GOLGA3: variants seen among roughly 807,000 people sequenced by gnomAD.
GOLGA3 encodes golgin A3, also known as golgin subfamily A member 3.
In GOLGA3, 75 loss-of-function variants were observed where a neutral mutation model predicts 169.4. The observed-to-expected ratio is 0.44, with a 90% CI of 0.37 to 0.54. The LOEUF (loss-of-function observed/expected upper bound fraction) is 0.54, where lower values mean the gene tolerates loss of function less well. GOLGA3 is among the 20% of genes least tolerant of loss of function. The probability of loss-of-function intolerance (pLI) is 0.00; values close to 1 mark genes in which losing one functional copy is unlikely to be tolerated. For missense variants in GOLGA3, 1,899 were observed against 1,930.0 expected, an observed-to-expected ratio of 0.98 and a Z score of 0.30; for synonymous variants, 824 against 822.4, an observed-to-expected ratio of 1.00 and a Z score of -0.03.
chr12:132,828,160 GC>G (rs1950500082), intron 1 of GOLGA3, among the ~76,000 whole-genome samples: 1 of 152,052 alleles, frequency 6.6e-6, no homozygotes, highest in Non-Finnish European at 1.5e-5. Context: ...GAAGTCGCCC[GC>G]CCCCCAGGCT....
intron 8 of GOLGA3, among the ~76,000 whole-genome samples, chr12:132,801,306 A>G (rs919389222): frequency 3.3e-5 from 5 of 152,208 alleles, no homozygotes; most frequent in Non-Finnish European, 7.3e-5. Context: ...AGGGAAAGGA[A>G]AAGCTCCAAC....
chr12:132,804,753 C>T lies in GOLGA3; in HGVS notation c.1560G>A (p.Glu520=). Residue 520 remains glutamate, a synonymous_variant, in exon 7 of 24, where the codon GAG becomes GAA. Coordinates refer to ENST00000450791, the MANE Select transcript of GOLGA3 (RefSeq NM_001389683.1). The surrounding 1 kb of genome is among the most constrained non-coding windows in gnomAD (Gnocchi z 4.1). ...EQYQRLMAKV[E]DMQRSMLSKD... ...TGCTGAGCATGCTCCTCTGCATGTCCTCTACCTTGGCCATAAGCCTCTGGT... is the reference window on the plus strand; with the variant it reads ...TGCTGAGCATGCTCCTCTGCATGTCTTCTACCTTGGCCATAAGCCTCTGGT... 1 of 1,614,210 alleles carries T rather than the reference C, an allele frequency of 6.2e-7. No homozygotes were observed. Among genetic ancestry groups the T allele is most frequent in the Non-Finnish European group, 8.5e-7 (1 of 1,180,028 alleles).
intron 3 of GOLGA3, among the ~76,000 whole-genome samples, chr12:132,814,869 C>A (rs888216430): frequency 6.6e-6 from 1 of 152,234 alleles, no homozygotes; most frequent in Non-Finnish European, 1.5e-5. Context: ...TTGCATGGTA[C>A]GTGCCAACGT....
Position 132,808,469 on chromosome 12 carries a change from C to T in GOLGA3, c.600G>A (p.Arg200=), listed in dbSNP as rs745452430. 6.2e-7 allele frequency: 1 copy of T among 1,613,736 alleles called. No homozygotes were observed. The highest frequency in any genetic ancestry group is 8.5e-7 in the Non-Finnish European group (1 of 1,179,706). The change falls in exon 5 of 24, where the codon AGG becomes AGA. Residue 200 remains arginine (R), a synonymous_variant. Transcript: ENST00000450791. ...ELMLNPENLP[R]ASTLAMTKEY... is the part of the protein sequence containing the mutation. ...CTTTTGTCATAGCCAGGGTACTGGC[C>T]CTTGGTAAGTTTTCTGGGTTTAACA... is the stretch of plus-strand genomic sequence containing the variant.
rs1169043721 is a variant in GOLGA3, at chr12:132,771,695, TGCTCCTACACACGAGTACAGGC to T, written c.*1388_*1409del. The T allele has an allele frequency of 2.0e-5, 3 of 152,066 alleles. No homozygotes were observed. Among genetic ancestry groups the T allele is most frequent in the African/African-American group, 4.8e-5 (2 of 41,408 alleles). The allele number at this position is 152,066 out of a possible 1,614,324, so 9.4% of individuals were successfully genotyped here. On this transcript the variant is annotated 3_prime_UTR_variant, in exon 24 of 24. Coordinates refer to ENST00000450791, the MANE Select transcript of GOLGA3 (RefSeq NM_001389683.1). ...TTCTCGATGACTGCAGAAGTACAGGTGCTCCTACACACGAGTACAGGCGCTCCCACAGACAATGGTAAAGATT... is the reference window on the plus strand; with the variant it reads ...TTCTCGATGACTGCAGAAGTACAGGTGCTCCCACAGACAATGGTAAAGATT...
intron 1 of GOLGA3, among the ~76,000 whole-genome samples, chr12:132,823,813 T>C (rs775884610): frequency 5.4e-5 from 8 of 147,302 alleles, no homozygotes; most frequent in Non-Finnish European, 1.5e-5. Context: ...CTGCGTGTGA[T>C]GGCTCATGCC....
intron 4 of GOLGA3, among the ~76,000 whole-genome samples, chr12:132,812,192 T>C (rs200834707): frequency 1.6e-4 from 21 of 135,072 alleles, no homozygotes; most frequent in Non-Finnish European, 2.9e-4. Context: ...TGTCTCAAAA[T>C]ACACACACAC....
chr12:132,812,855 A>G (rs1949783904), intron 4 of GOLGA3, among the ~76,000 whole-genome samples: 1 of 152,240 alleles, frequency 6.6e-6, no homozygotes, highest in South Asian at 2.1e-4. Flanking sequence ...CAGCCATCAA[A>G]CTTGAGGCAA....
rs1221854041 is a variant in GOLGA3, at chr12:132,808,200, G to T, written c.869C>A (p.Ser290Tyr). The T allele has an allele frequency of 1.9e-6, 3 of 1,613,556 alleles. No individual in the cohort carries two copies. Among genetic ancestry groups the T allele is most frequent in the African/African-American group, 1.3e-5 (1 of 74,916 alleles). Reference protein sequence around the residue: ...AASVVSEISLSPDTDDRLENT... With the variant: ...AASVVSEISLYPDTDDRLENT... ...CTCCAGACGGTCGTCAGTGTCGGGG[G>T]ACAGGCTGATCTCAGACACAACGGA... The change falls in exon 5 of 24, where the codon TCC becomes TAC. Residue 290 changes from serine (S) to tyrosine (Y), a missense_variant. Physicochemically the swap from Ser to Tyr is moderately radical, Grantham distance 144 (BLOSUM62 -2). Coordinates refer to ENST00000450791, the MANE Select transcript of GOLGA3 (RefSeq NM_001389683.1).
In GOLGA3 at chr12:132,804,760, T is replaced by C. The variant is rs755741418; in HGVS notation, c.1553A>G (p.Lys518Arg). 5 of 1,614,244 alleles carry C rather than the reference T, an allele frequency of 3.1e-6. No individual in the cohort carries two copies. In the South Asian group the frequency reaches 4.4e-5, roughly 14 times the overall value. ...AEEQYQRLMA[K>R]VEDMQRSMLS... ...CATGCTCCTCTGCATGTCCTCTACC[T>C]TGGCCATAAGCCTCTGGTACTGCTC... The change falls in exon 7 of 24, where the codon AAG becomes AGG. Residue 518 changes from lysine (K) to arginine (R), a missense_variant. Lys to Arg is a conservative substitution (Grantham distance 26). Transcript: ENST00000450791. The surrounding 1 kb of genome is among the most constrained non-coding windows in gnomAD (Gnocchi z 4.1).
chr12:132,776,067 A>T (rs2045211342), intron 21 of GOLGA3, among the ~76,000 whole-genome samples: 1 of 152,214 alleles, frequency 6.6e-6, no homozygotes, highest in Non-Finnish European at 1.5e-5. Flanking sequence ...GCTCCCCGGG[A>T]GCACTGCCTG....
chr12:132,788,044 C>T (rs1465036775), intron 13 of GOLGA3, among the ~76,000 whole-genome samples: 1 of 152,130 alleles, frequency 6.6e-6, no homozygotes, highest in African/African-American at 2.4e-5. Flanking sequence ...CCAGCCCAGG[C>T]CTGCAGCTGT....
intron 2 of GOLGA3, among the ~76,000 whole-genome samples, chr12:132,818,911 C>T (rs902039428): frequency 6.6e-6 from 1 of 152,132 alleles, no homozygotes; most frequent in Non-Finnish European, 1.5e-5. Flanking sequence ...TACCTCAGTT[C>T]ACCCACTAAA....
In GOLGA3 at chr12:132,808,196, G is replaced by A. The variant is rs749151660; in HGVS notation, c.873C>T (p.Pro291=). 4 of 1,613,302 alleles carry A rather than the reference G, an allele frequency of 2.5e-6. No individual in the cohort carries two copies. Among genetic ancestry groups the A allele is most frequent in the Admixed American group, 1.7e-5 (1 of 59,968 alleles). Residue 291 remains proline (P), a synonymous_variant, in exon 5 of 24, where the codon CCC becomes CCT. Coordinates refer to ENST00000450791, the MANE Select transcript of GOLGA3 (RefSeq NM_001389683.1). ...TGTTCTCCAGACGGTCGTCAGTGTC[G>A]GGGGACAGGCTGATCTCAGACACAA... ...ASVVSEISLS[P]DTDDRLENTS... is the part of the protein sequence containing the mutation.
intron 9 of GOLGA3, 87 bp downstream of exon 9, chr12:132,798,253 G>T: frequency 7.8e-7 from 1 of 1,282,736 alleles, no homozygotes; most frequent in Non-Finnish European, 1.1e-6. Context: ...GATACACACA[G>T]AGAGACGGAA....
intron 1 of GOLGA3, chr12:132,828,430 C>G (rs908977167): frequency 2.0e-5 from 3 of 152,368 alleles, no homozygotes; most frequent in African/African-American, 7.2e-5. Flanking sequence ...GAAACCCCGA[C>G]TTCCCACGAA....
At chr12:132,775,596 GTTC>G (rs941505157) in intron 21 of GOLGA3, among the ~76,000 whole-genome samples, 7 of 152,106 alleles carry the variant, frequency 4.6e-5, no homozygotes, top group East Asian at 3.9e-4. Context: ...TTGGATTTTT[GTTC>G]TTGTTTTTTT....
chr12:132,780,732 C>T lies in GOLGA3; in HGVS notation c.3582+66G>A, dbSNP rs1746238693. ...GAAGGAGGCTGGTGTGTGAAGGACC[C>T]TGCATAGATTTCTAGGCACTGGAGC... On this transcript the variant is annotated intron_variant, in intron 18 of 23. Coordinates refer to ENST00000450791, the MANE Select transcript of GOLGA3 (RefSeq NM_001389683.1). 7.2e-6 allele frequency: 7 copies of T among 973,480 alleles called. No individual in the cohort carries two copies. In the South Asian group the frequency reaches 9.0e-5, roughly 13 times the overall value. 60.3% of individuals were successfully genotyped at this position (973,480 alleles called of 1,614,324 possible). A position where few individuals can be genotyped will look rare whatever the true frequency, so the allele number is the denominator to read the frequency against.
rs369325987 is a variant in GOLGA3, at chr12:132,796,079, C to A, written c.2242G>T (p.Asp748Tyr). 4 of 1,613,108 alleles carry A rather than the reference C, an allele frequency of 2.5e-6. No homozygotes were observed. Among genetic ancestry groups the A allele is most frequent in the East Asian group, 2.2e-5 (1 of 44,868 alleles). Residue 748 changes from aspartate (D) to tyrosine (Y), a missense_variant, in exon 11 of 24, where the codon GAT (aspartate) becomes TAT (tyrosine). Physicochemically the swap from Asp to Tyr is radical, Grantham distance 160. Coordinates refer to ENST00000450791, the MANE Select transcript of GOLGA3 (RefSeq NM_001389683.1). ...TCCCCCAGCCTGGCCTGCAGCTCAT[C>A]GTAGTGTGTCTGCAGGGCATCGAGG... ...QSLDALQTHYDELQARLGELQ... is the reference protein window; with the variant it reads ...QSLDALQTHYYELQARLGELQ...
Sources: gnomAD v4.1 joint callset for allele counts (sites outside exome capture counted in the v4.1 genomes callset) on GRCh38, gnomAD v4.1.1 for gene constraint, Gnocchi (gnomAD v3.1) non-coding constraint, MANE v1.5 for transcripts, NCBI Gene and HGNC (gene_info 2026-07-23, HGNC 2026-07-21) for gene names.